The following STON2 variants were observed in gnomAD, a reference collection of about 807,000 sequenced individuals.
STON2 encodes the protein stonin 2.
Under a neutral mutation model 65.7 loss-of-function variants are expected in STON2, and 29 were observed. The ratio of observed to expected loss-of-function variants is 0.44; its 90% CI spans 0.33 to 0.60. The LOEUF (loss-of-function observed/expected upper bound fraction) is 0.60, where lower values mean the gene tolerates loss of function less well. Among genes scored for constraint, STON2 ranks in the 20% least tolerant of loss-of-function variants. The pLI, the probability that STON2 is intolerant of heterozygous loss-of-function variation, is 0.03. For synonymous variants in STON2, 404 were observed against 414.2 expected (o/e 0.98, Z 0.30); for missense variants, 1,054 against 1,118.1 (o/e 0.94, Z 0.82).
At chr14:81,342,288 C>G (rs1165879357) in intron 4 of STON2, among the ~76,000 whole-genome samples, 1 of 152,032 alleles carries the variant, frequency 6.6e-6, no homozygotes, top group Admixed American at 6.5e-5. Flanking sequence ...GCACCCACAA[C>G]CACGCCCAGC....
At chr14:81,408,117 T>A (rs1050956995) in intron 2 of STON2, among the ~76,000 whole-genome samples, 22 of 149,904 alleles carry the variant, frequency 1.5e-4, no homozygotes, top group Non-Finnish European at 2.8e-4. Flanking sequence ...TAATAAAACC[T>A]GAACAGAGTT....
chr14:81,434,312 A>C (rs1033987465), intron 1 of STON2, among the ~76,000 whole-genome samples: 2 of 152,162 alleles, frequency 1.3e-5, no homozygotes, highest in Admixed American at 6.5e-5. Flanking sequence ...CTGAACTCAG[A>C]AGTCTTTGCC....
rs1157862003 is a variant in STON2, at chr14:81,278,494, A to G, written c.988T>C (p.Phe330Leu). The G allele has an allele frequency of 2.5e-6, 4 of 1,614,114 alleles. No individual in the cohort carries two copies. The African/African-American group carries it at 5.3e-5, about 22-fold the overall frequency. The change falls in exon 6 of 8, where the codon TTT becomes CTT. Residue 330 changes from phenylalanine to leucine, a missense_variant. Coordinates refer to ENST00000614646, the MANE Select transcript of STON2 (RefSeq NM_001394390.1). ...CTCTTGGGACGGTCCCTCTTCTTAA[A>G]TGATCCCATTGAATTATAAGGTACA... is the stretch of plus-strand genomic sequence containing the variant. The part of the protein sequence containing the change: ...PDVPYNSMGS[F>L]KKRDRPKSTL...
At chr14:81,306,215 A>G (rs72699798) in intron 5 of STON2, among the ~76,000 whole-genome samples, 38,333 of 114,422 alleles carry the variant, frequency 0.34, 8,746 homozygotes, top group Non-Finnish European at 0.47. Flanking sequence ...ACACACATAC[A>G]TACTCTTTTT....
Position 81,412,988 on chromosome 14 carries a change from G to T in STON2, c.-199+14114C>A, listed in dbSNP as rs918441360. On this transcript the variant is annotated intron_variant, in intron 2 of 8. Coordinates refer to the STON2 transcript ENST00000553821. ...GGTAACCATGTGCGACCAAAAGGCC[G>T]TGATCAAAAATGCGGACATGTCGGA... The T allele has an allele frequency of 3.3e-5, 35 of 1,074,084 alleles. 5 individuals carry two copies. Among genetic ancestry groups the T allele is most frequent in the Admixed American group, 7.2e-5 (4 of 55,410 alleles). The allele number at this position is 1,074,084 out of a possible 1,614,324, so 66.5% of individuals were successfully genotyped here. A position where few individuals can be genotyped will look rare whatever the true frequency, so the allele number is the denominator to read the frequency against.
rs542648261 is a variant in STON2, at chr14:81,287,138, G to A, written c.743-8399C>T. On this transcript the variant is annotated intron_variant, in intron 5 of 7. Coordinates refer to ENST00000614646, the MANE Select transcript of STON2 (RefSeq NM_001394390.1). The stretch of plus-strand genomic sequence containing the variant: ...TAAATGTATAGGGTGAGAGAAGGGA[G>A]GAGTTAGTCATATCAAGCTTATCAA... Among the ~76,000 whole-genome samples, 8 of 152,288 alleles carry A rather than the reference G, an allele frequency of 5.3e-5. No individual in the cohort carries two copies. The South Asian group carries it at 1.4e-3, about 28-fold the overall frequency.
At chr14:81,360,671 G>C (rs1434552171) in intron 4 of STON2, among the ~76,000 whole-genome samples, 1 of 152,036 alleles carries the variant, frequency 6.6e-6, no homozygotes, top group Non-Finnish European at 1.5e-5. Context: ...AAAATCCTTA[G>C]AGAAATTAGG....
Position 81,264,215 on chromosome 14 carries a change from A to G in STON2, c.*4199T>C, listed in dbSNP as rs992674778. On this transcript the variant is annotated 3_prime_UTR_variant, in exon 8 of 8. Coordinates refer to ENST00000614646, the MANE Select transcript of STON2 (RefSeq NM_001394390.1). The stretch of plus-strand genomic sequence containing the variant: ...TTTCAATGTGAATGAGGTACATTGT[A>G]GTTCAAATTCAGCAGCATATTAAGT... 1.7e-5 allele frequency: 17 copies of G among 985,354 alleles called. No individual in the cohort carries two copies. The highest frequency in any genetic ancestry group is 2.0e-5 in the Non-Finnish European group (17 of 829,940). The allele number at this position is 985,354 out of a possible 1,614,324, so 61.0% of individuals were successfully genotyped here.
chr14:81,398,162 A>T, intron 2 of STON2, 133 bp downstream of exon 2: 1 of 625,186 alleles, frequency 1.6e-6, no homozygotes, highest in Non-Finnish European at 2.6e-6. Flanking sequence ...TAAGATCTCA[A>T]GAAAGAAAGT....
chr14:81,314,515 A>G (rs12146979), intron 5 of STON2, among the ~76,000 whole-genome samples: 119,327 of 151,740 alleles, frequency 0.79, 47,062 homozygotes, highest in African/African-American at 0.8. Context: ...TTTTCCTGCC[A>G]GCACGCAAAG....
intron 4 of STON2, among the ~76,000 whole-genome samples, chr14:81,337,863 C>T (rs1355070651): frequency 6.6e-6 from 1 of 152,002 alleles, no homozygotes; most frequent in Non-Finnish European, 1.5e-5. Flanking sequence ...ACTAGGAAGA[C>T]TGAGGTGAGA....
chr14:81,276,805 C>T (rs1894838851), intron 6 of STON2, 96 bp downstream of exon 6: 2 of 1,439,626 alleles, frequency 1.4e-6, no homozygotes, highest in South Asian at 1.4e-5. Context: ...TCCCATCACA[C>T]AGCAAAAACA....
At position 81,266,534 on chromosome 14, in the gene STON2, C is replaced by T; in HGVS notation, c.*1880G>A. The T allele has an allele frequency of 2.8e-6, 1 of 360,362 alleles. No individual in the cohort carries two copies. Among genetic ancestry groups the T allele is most frequent in the Non-Finnish European group, 3.9e-6 (1 of 258,726 alleles). The allele number at this position is 360,362 out of a possible 1,614,324, so 22.3% of individuals were successfully genotyped here. ...TCTTGCATCATCAGACCCTTTACAA[C>T]CCTGGTCACCTCCCTATGGACACAA... On this transcript the variant is annotated 3_prime_UTR_variant, in exon 8 of 8. Transcript: ENST00000614646.
chr14:81,297,200 AGGTACT>A (rs2140172373), intron 5 of STON2, among the ~76,000 whole-genome samples: 1 of 152,276 alleles, frequency 6.6e-6, no homozygotes, highest in South Asian at 2.1e-4. Flanking sequence ...CTCACCAACC[AGGTACT>A]GTATGCCAGC....
intron 4 of STON2, among the ~76,000 whole-genome samples, chr14:81,362,323 T>C (rs1248454920): frequency 1.3e-5 from 2 of 152,148 alleles, no homozygotes; most frequent in Non-Finnish European, 2.9e-5. Flanking sequence ...AAATATTTGG[T>C]AATTTGCAAC....
chr14:81,398,316 GT>G lies in STON2; in HGVS notation c.66del (p.Pro25LeufsTer104), dbSNP rs1387017389. The G allele has an allele frequency of 1.2e-6, 2 of 1,613,764 alleles. No homozygotes were observed. Among genetic ancestry groups the G allele is most frequent in the African/African-American group, 1.3e-5 (1 of 74,914 alleles). ...QSEWVSFNEE[P>X]PFPAHSQGGT... ...TTACCCTGCGAGTGGGCAGGAAAGG[GT>G]GGCTCTTCATTGAAGGAGACCCATT... is the stretch of plus-strand genomic sequence containing the variant. On this transcript the variant is annotated frameshift_variant, in exon 2 of 8. Coordinates refer to ENST00000614646, the MANE Select transcript of STON2 (RefSeq NM_001394390.1). LOFTEE classifies it high-confidence loss of function.
chr14:81,322,337 A>T (rs1896850296), intron 5 of STON2, among the ~76,000 whole-genome samples: 1 of 152,242 alleles, frequency 6.6e-6, no homozygotes, highest in Non-Finnish European at 1.5e-5. Flanking sequence ...GGCGACTTAC[A>T]GTGGCTTCTA....
At position 81,316,064 on chromosome 14, in the gene STON2, C is replaced by T. The variant is rs181143469; in HGVS notation, c.742+7953G>A. 2.0e-5 allele frequency among the ~76,000 whole-genome samples: 3 copies of T among 152,240 alleles called. No individual in the cohort carries two copies. In the East Asian group the frequency reaches 5.8e-4, roughly 29 times the overall value. ...AATGCCTGCTCCAATCATATCATGC[C>T]TCCTACAAAACATTAGTTAAAACAC... On this transcript the variant is annotated intron_variant, in intron 5 of 7. Coordinates refer to ENST00000614646, the MANE Select transcript of STON2 (RefSeq NM_001394390.1).
chr14:81,357,899 GA>G (rs1405360170), intron 4 of STON2, among the ~76,000 whole-genome samples: 2 of 106,498 alleles, frequency 1.9e-5, no homozygotes, highest in African/African-American at 3.7e-5. Context: ...GGGGTGGGGG[GA>G]GGGGGGAGGG....
Sources: allele counts gnomAD v4.1 joint callset (sites outside exome capture counted in the v4.1 genomes callset), GRCh38; gene constraint gnomAD v4.1.1; transcripts MANE v1.5; gene names NCBI Gene and HGNC (gene_info 2026-07-23, HGNC 2026-07-21).